The following COL4A3 variants were observed in gnomAD, a reference collection of about 807,000 sequenced individuals.
The protein encoded by COL4A3 is collagen alpha-3(IV) chain.
COL4A3 carries 135 observed loss-of-function variants against 217.4 expected under a neutral mutation model. That is an observed-to-expected ratio of 0.62 (90% CI 0.54 to 0.72). COL4A3 has a LOEUF of 0.72. COL4A3 is among the 30% of genes least tolerant of loss of function. The pLI, the probability that COL4A3 is intolerant of heterozygous loss-of-function variation, is 0.00. For synonymous variants in COL4A3, 690 were observed against 736.3 expected, an observed-to-expected ratio of 0.94 and a Z score of 1.02; for missense variants, 1,868 against 2,119.9, an observed-to-expected ratio of 0.88 and a Z score of 2.33.
At chr2:227,272,510 T>C (rs910723147) in intron 25 of COL4A3, among the ~76,000 whole-genome samples, 2 of 152,244 alleles carry the variant, frequency 1.3e-5, no homozygotes, top group African/African-American at 4.8e-5. Context: ...CTAGACAGTT[T>C]ATGAGAGAAA....
Position 227,253,662 on chromosome 2 carries a change from G to C in COL4A3, c.765+24G>C. ...CGGTAACTCTGCGATTTTATGATTA[G>C]TGTTGTGCCTTCCCGTGTCTAGGAT... On this transcript the variant is annotated intron_variant, in intron 13 of 51. Coordinates refer to ENST00000396578, the MANE Select transcript of COL4A3 (RefSeq NM_000091.5). The surrounding 1 kb of genome is among the most constrained non-coding windows in gnomAD (Gnocchi z 4.4). 1 of 1,590,292 alleles carries C rather than the reference G, an allele frequency of 6.3e-7. No homozygotes were observed. Among genetic ancestry groups the C allele is most frequent in the Non-Finnish European group, 8.6e-7 (1 of 1,158,340 alleles).
At chr2:227,208,020 C>A (rs1435241222) in intron 1 of COL4A3, among the ~76,000 whole-genome samples, 1 of 151,552 alleles carries the variant, frequency 6.6e-6, no homozygotes, top group African/African-American at 2.4e-5. Flanking sequence ...CTCCCCCCGC[C>A]CCCCCACACA....
rs1350367419 is a variant in COL4A3, at chr2:227,284,321, G to A, written c.2857G>A (p.Asp953Asn). 1 of 1,613,842 alleles carries A rather than the reference G, an allele frequency of 6.2e-7. No homozygotes were observed. Among genetic ancestry groups the A allele is most frequent in the South Asian group, 1.1e-5 (1 of 91,010 alleles). Reference sequence around the variant, plus strand: ...TTCAGAGATATCCCACGTAATAGGGGACAAAGGAGAACCAGGTCTCAAAGG... The same window carrying A: ...TTCAGAGATATCCCACGTAATAGGGAACAAAGGAGAACCAGGTCTCAAAGG... ...GPSEISHVIG[D>N]KGEPGLKGFA... Residue 953 changes from aspartate (D) to asparagine (N), a missense_variant, in exon 34 of 52, where the codon GAC becomes AAC. This residue lies in a region of COL4A3 where 1,503 missense variants were observed against 1,786.1 expected (regional missense o/e 0.84). Transcript: ENST00000396578.
chr2:227,294,272 G>T (rs919147736), intron 38 of COL4A3: 4 of 576,274 alleles, frequency 6.9e-6, no homozygotes, highest in Non-Finnish European at 1.2e-5. Context: ...CTTGTGGTTG[G>T]TGTACACACA....
chr2:227,255,780 T>A (rs1411649920), intron 15 of COL4A3, among the ~76,000 whole-genome samples: 1 of 152,190 alleles, frequency 6.6e-6, no homozygotes, highest in South Asian at 2.1e-4. Flanking sequence ...GCTGTTAATG[T>A]CCTTCCTTCC....
Position 227,231,189 on chromosome 2 carries a change from T to C in COL4A3, c.88-6779T>C, listed in dbSNP as rs370123368. Among the ~76,000 whole-genome samples, 15 of 152,240 alleles carry C rather than the reference T, an allele frequency of 9.9e-5. No homozygotes were observed. In the East Asian group the frequency reaches 2.3e-3, roughly 24 times the overall value. On this transcript the variant is annotated intron_variant, in intron 1 of 51. Transcript: ENST00000396578. ...CATGTCTGCCATATCATCTGAGATA[T>C]GTACAGTCAACAAGAGAGAACAGTC...
At chr2:227,274,192 G>A (rs1314662683) in intron 26 of COL4A3, among the ~76,000 whole-genome samples, 2 of 151,816 alleles carry the variant, frequency 1.3e-5, no homozygotes. Context: ...AGCCAAGATC[G>A]TGCTACTGCA....
Position 227,240,231 on chromosome 2 carries a change from A to C in COL4A3, c.233A>C (p.Lys78Thr). ...PEGLPGPQGP[K>T]GFPGLPGLTG... ...GGCTTGCCTGGACCGCAGGGACCCAAGGTATGTCATCCTGCAAGCTTGGAA... is the reference window on the plus strand; with the variant it reads ...GGCTTGCCTGGACCGCAGGGACCCACGGTATGTCATCCTGCAAGCTTGGAA... The change falls in exon 3 of 52, where the codon AAG becomes ACG. Residue 78 changes from lysine to threonine, a missense_variant and splice_region_variant. Transcript: ENST00000396578. The C allele has an allele frequency of 1.2e-6, 2 of 1,608,558 alleles. No homozygotes were observed. Among genetic ancestry groups the C allele is most frequent in the Non-Finnish European group, 8.5e-7 (1 of 1,177,596 alleles).
intron 1 of COL4A3, among the ~76,000 whole-genome samples, chr2:227,202,207 G>C (rs1207711066): frequency 6.6e-6 from 1 of 152,144 alleles, no homozygotes; most frequent in Non-Finnish European, 1.5e-5. Context: ...ACCAGTTCTA[G>C]CTTGCCTGTG....
rs1225037194 is a variant in COL4A3 at position 227,249,226 on chromosome 2, A to ATTTTTTT, written c.546+707_546+708insTTTTTTT. On this transcript the variant is annotated intron_variant, in intron 9 of 51. Coordinates refer to ENST00000396578, the MANE Select transcript of COL4A3 (RefSeq NM_000091.5). ...AAAATTAGCTAGTATATATATATAT[A>ATTTTTTT]TATATTTTTTTTTTTTTTTTTTTTT... Among the ~76,000 whole-genome samples, 24 of 24,212 alleles carry ATTTTTTT rather than the reference A, an allele frequency of 9.9e-4. 1 individual carries two copies. In the East Asian group the frequency reaches 0.016, roughly 17 times the overall value. The allele number at this position is 24,212 out of a possible 152,430, so 15.9% of individuals were successfully genotyped here. A position where few individuals can be genotyped will look rare whatever the true frequency, so the allele number is the denominator to read the frequency against.
At chr2:227,184,382 T>G (rs2065949334) in intron 1 of COL4A3, among the ~76,000 whole-genome samples, 1 of 152,190 alleles carries the variant, frequency 6.6e-6, no homozygotes, top group South Asian at 2.1e-4. Context: ...CTGGTAAAAT[T>G]AAGATTGACT....
chr2:227,284,803 G>A (rs2072213976), intron 34 of COL4A3, among the ~76,000 whole-genome samples: 1 of 152,016 alleles, frequency 6.6e-6, no homozygotes, highest in South Asian at 2.1e-4. Context: ...AAAATCCTTT[G>A]GAGAATAATT....
At chr2:227,277,358 A>T in intron 27 of COL4A3, 91 bp from the exon 28 acceptor site, 2 of 794,554 alleles carry the variant, frequency 2.5e-6, no homozygotes, top group Non-Finnish European at 4.3e-6. Context: ...CAAAAGGGAT[A>T]GGACGACACA....
chr2:227,256,317 C>A (rs2070170751), intron 16 of COL4A3, 26 bp from the exon 17 acceptor site: 1 of 1,610,786 alleles, frequency 6.2e-7, no homozygotes, highest in Non-Finnish European at 8.5e-7. Context: ...GTCTTCTGAC[C>A]CATTTCTTTT....
intron 1 of COL4A3, among the ~76,000 whole-genome samples, chr2:227,225,701 TTTTC>T (rs1438647927): frequency 3.6e-5 from 5 of 140,408 alleles, no homozygotes; most frequent in Non-Finnish European, 7.5e-5. Flanking sequence ...GGGAACAGCT[TTTTC>T]TTTCTTTTTT....
intron 1 of COL4A3, among the ~76,000 whole-genome samples, chr2:227,205,054 G>A (rs1347261445): frequency 6.6e-6 from 1 of 152,166 alleles, no homozygotes; most frequent in African/African-American, 2.4e-5. Flanking sequence ...CAAATAAGGA[G>A]CAGAAGTTTA....
At chr2:227,222,746 T>G (rs1465907582) in intron 1 of COL4A3, among the ~76,000 whole-genome samples, 2 of 152,112 alleles carry the variant, frequency 1.3e-5, no homozygotes, top group African/African-American at 4.8e-5. Flanking sequence ...GAAGTGGGCA[T>G]GTCAGGCCAA....
At chr2:227,289,954 T>C (rs1159956285) in intron 35 of COL4A3, 45 bp from the exon 36 acceptor site, 3 of 1,568,192 alleles carry the variant, frequency 1.9e-6, no homozygotes, top group South Asian at 1.1e-5. Context: ...ACACATACTA[T>C]GTCCAGGAAC....
chr2:227,196,841 C>G (rs978060882), intron 1 of COL4A3, among the ~76,000 whole-genome samples: 6 of 152,118 alleles, frequency 3.9e-5, no homozygotes, highest in Non-Finnish European at 7.3e-5. Flanking sequence ...ACTATATAGC[C>G]TAAGCGTATA....
Sources: allele counts gnomAD v4.1 joint callset (sites outside exome capture counted in the v4.1 genomes callset), GRCh38; gene constraint gnomAD v4.1.1; regional missense constraint gnomAD v4.1.1; non-coding constraint Gnocchi (gnomAD v3.1); transcripts MANE v1.5; gene names NCBI Gene and HGNC (gene_info 2026-07-23, HGNC 2026-07-21).